Variants in CDKL3 observed in about 807,000 individuals in gnomAD.
CDKL3 encodes the protein cyclin dependent kinase like 3.
Under a neutral mutation model 69.3 loss-of-function variants are expected in CDKL3, and 65 were observed. The ratio of observed to expected loss-of-function variants is 0.94; its 90% CI spans 0.77 to 1.15. The LOEUF is 1.15. CDKL3 is among the 50% of genes most tolerant of loss of function. The pLI is 0.00. For missense variants in CDKL3, 652 were observed against 689.2 expected (o/e 0.95, Z 0.61); for synonymous variants, 202 against 221.6 (o/e 0.91, Z 0.79).
upstream of CDKL3, among the ~76,000 whole-genome samples, chr5:134,370,668 T>A (rs1197252932): frequency 3.3e-5 from 5 of 152,164 alleles, no homozygotes. Flanking sequence ...TGCCCAGAAT[T>A]TCCAATACTA....
intron 3 of CDKL3, among the ~76,000 whole-genome samples, chr5:134,359,042 T>G (rs377517911): frequency 6.6e-6 from 1 of 151,964 alleles, no homozygotes; most frequent in Non-Finnish European, 1.5e-5. Context: ...ATCCAGCATT[T>G]TGGGAGGCTG....
chr5:134,348,194 C>G (rs1045632673), intron 4 of CDKL3, among the ~76,000 whole-genome samples: 1 of 152,082 alleles, frequency 6.6e-6, no homozygotes, highest in Non-Finnish European at 1.5e-5. Context: ...TCGAGACAGC[C>G]TGGGCAACAT....
At chr5:134,342,391 G>A (rs1750713027) in intron 4 of CDKL3, among the ~76,000 whole-genome samples, 1 of 152,016 alleles carries the variant, frequency 6.6e-6, no homozygotes, top group African/African-American at 2.4e-5. Context: ...GAGGTCAGAA[G>A]ATCGAGACCA....
rs758329448 is a variant in CDKL3, at chr5:134,298,741, AG to A, written c.1720-32del. On this transcript the variant is annotated intron_variant, in intron 12 of 12. Transcript: ENST00000265334. ...ATTAGAAACCAAGCTAGTAAGAATC[AG>A]GGACTGGAATGTAAATATATGCTAC... is the stretch of plus-strand genomic sequence containing the variant. The A allele has an allele frequency of 5.0e-6, 8 of 1,598,486 alleles. No individual in the cohort carries two copies. The East Asian group carries it at 1.6e-4, about 31-fold the overall frequency.
At chr5:134,311,261 C>T (rs1180006702) in intron 7 of CDKL3, among the ~76,000 whole-genome samples, 19 of 152,270 alleles carry the variant, frequency 1.2e-4, no homozygotes, top group African/African-American at 4.3e-4. Context: ...CCCAACACTT[C>T]GGGAGGCCAA....
At chr5:134,297,664 C>G (rs1765428326), downstream of CDKL3, among the ~76,000 whole-genome samples, 1 of 151,714 alleles carries the variant, frequency 6.6e-6, no homozygotes, top group African/African-American at 2.4e-5. Context: ...TCACCACAAC[C>G]TCCGCCTCCC....
intron 9 of CDKL3, chr5:134,307,874 A>C (rs1768305995): frequency 2.5e-6 from 1 of 404,920 alleles, no homozygotes; most frequent in South Asian, 7.9e-5. Flanking sequence ...TCAAAAATAA[A>C]AACATTTTTC....
At chr5:134,367,315 A>C (rs1338590656), upstream of CDKL3, 5 of 982,452 alleles carry the variant, frequency 5.1e-6, no homozygotes, top group Admixed American at 1.2e-4. Flanking sequence ...TTGCTGTCGC[A>C]GCTGAGCCTC....
intron 4 of CDKL3, among the ~76,000 whole-genome samples, chr5:134,325,323 GGAATT>G (rs1019442454): frequency 6.6e-6 from 1 of 152,056 alleles, no homozygotes; most frequent in African/African-American, 2.4e-5. Flanking sequence ...AAGAAATAAA[GGAATT>G]AATTATAGTA....
chr5:134,365,802 CCTT>C (rs1757266238), intron 2 of CDKL3, among the ~76,000 whole-genome samples: 1 of 152,274 alleles, frequency 6.6e-6, no homozygotes, highest in Non-Finnish European at 1.5e-5. Flanking sequence ...TATCCTTTGT[CCTT>C]CTTTAGTCTC....
rs1173115858 is a variant in CDKL3 at position 134,310,335 on chromosome 5, G to A, written c.882-1608C>T. On this transcript the variant is annotated intron_variant, in intron 7 of 12. Transcript: ENST00000265334. ...TGAGTAGCTGGCATTACAGGGGCCC[G>A]CCACCACACCCAACTAATTTTGTTT... Among the ~76,000 whole-genome samples the A allele has an allele frequency of 3.3e-5, 5 of 151,826 alleles. No individual in the cohort carries two copies. In the East Asian group the frequency reaches 5.8e-4, roughly 18 times the overall value.
intron 4 of CDKL3, among the ~76,000 whole-genome samples, chr5:134,349,618 CAG>C (rs1370629064): frequency 1.3e-5 from 2 of 152,080 alleles, no homozygotes; most frequent in African/African-American, 4.8e-5. Flanking sequence ...TAAAGATAAA[CAG>C]AAGAGGGAAC....
intron 6 of CDKL3, 26 bp downstream of exon 6, chr5:134,319,332 G>A (rs1458159375): frequency 6.1e-6 from 9 of 1,478,742 alleles, no homozygotes; most frequent in African/African-American, 4.4e-5. Flanking sequence ...TCTGTCTCCG[G>A]GGGAGGAAAA....
At chr5:134,370,889 T>G (rs977160330), upstream of CDKL3, 2 of 152,576 alleles carry the variant, frequency 1.3e-5, no homozygotes, top group African/African-American at 4.8e-5. Flanking sequence ...AACAAGCTGT[T>G]GATTCTGCCA....
At chr5:134,361,246 G>A (rs1755932021) in intron 2 of CDKL3, among the ~76,000 whole-genome samples, 2 of 151,542 alleles carry the variant, frequency 1.3e-5, no homozygotes, top group Admixed American at 1.3e-4. Flanking sequence ...AAAAATGAAG[G>A]GTTTTTTTTT....
chr5:134,335,794 T>C (rs1482504949), intron 4 of CDKL3, among the ~76,000 whole-genome samples: 2 of 152,150 alleles, frequency 1.3e-5, no homozygotes, highest in African/African-American at 2.4e-5. Flanking sequence ...CTGACAATTA[T>C]GTGTCTTGGG....
chr5:134,338,834 G>A (rs1048293835), intron 4 of CDKL3, among the ~76,000 whole-genome samples: 1 of 152,090 alleles, frequency 6.6e-6, no homozygotes, highest in Non-Finnish European at 1.5e-5. Context: ...TAAAATGGCA[G>A]ATGTAATTAC....
intron 4 of CDKL3, among the ~76,000 whole-genome samples, chr5:134,337,027 T>G (rs1407715165): frequency 6.6e-6 from 1 of 152,140 alleles, no homozygotes. Flanking sequence ...ACTGTGAGCA[T>G]AGAACCGCCT....
intron 3 of CDKL3, among the ~76,000 whole-genome samples, chr5:134,353,718 C>T (rs1264460213): frequency 1.3e-5 from 2 of 152,146 alleles, no homozygotes; most frequent in Non-Finnish European, 2.9e-5. Context: ...CGCCACCATG[C>T]CCAGCTAATT....
Sources: allele counts gnomAD v4.1 joint callset (sites outside exome capture counted in the v4.1 genomes callset), GRCh38; gene constraint gnomAD v4.1.1; transcripts MANE v1.5; gene names NCBI Gene and HGNC (gene_info 2026-07-23, HGNC 2026-07-21).